The following TMEM232 variants were observed in gnomAD, a reference collection of about 807,000 sequenced individuals.
TMEM232 encodes the protein transmembrane protein 232.
A neutral mutation model predicts 78.8 loss-of-function variants in TMEM232; 80 were observed. The observed-to-expected ratio is 1.01, with a 90% confidence interval of 0.85 to 1.22. TMEM232 has a LOEUF of 1.22. Ranked by LOEUF, TMEM232 falls within the 50% of genes most tolerant of loss-of-function variation. The pLI, the probability that TMEM232 is intolerant of heterozygous loss-of-function variation, is 0.00. For synonymous variants in TMEM232, 297 were observed against 254.3 expected (o/e 1.17, Z -1.60); for missense variants, 881 against 742.2 (o/e 1.19, Z -2.17).
At chr5:110,690,519 G>A (rs1186833125) in intron 1 of TMEM232, among the ~76,000 whole-genome samples, 1 of 152,216 alleles carries the variant, frequency 6.6e-6, no homozygotes, top group Non-Finnish European at 1.5e-5. Context: ...CTTTTACACT[G>A]TTAGTGGGAG....
chr5:110,540,563 T>C (rs940359578), intron 11 of TMEM232, among the ~76,000 whole-genome samples: 2 of 152,186 alleles, frequency 1.3e-5, no homozygotes, highest in African/African-American at 4.8e-5. Flanking sequence ...TTAGCCAGCC[T>C]AATTTAAAAG....
chr5:110,391,920 A>G (rs1755210831), intron 3 of TMEM232, among the ~76,000 whole-genome samples: 1 of 152,184 alleles, frequency 6.6e-6, no homozygotes. Context: ...AGAAACATGC[A>G]GAGTCTGCAG....
intron 12 of TMEM232, among the ~76,000 whole-genome samples, chr5:110,435,696 G>A (rs1398212119): frequency 2.6e-5 from 4 of 151,956 alleles, no homozygotes; most frequent in Non-Finnish European, 5.9e-5. Context: ...ACAAATGAGT[G>A]AGAACATGTG....
Position 110,641,006 on chromosome 5 carries a change from G to T in TMEM232, c.238-10C>A. 6.7e-7 allele frequency: 1 copy of T among 1,490,664 alleles called. No homozygotes were observed. Among genetic ancestry groups the T allele is most frequent in the Non-Finnish European group, 9.0e-7 (1 of 1,117,022 alleles). The allele number at this position is 1,490,664 out of a possible 1,614,324, so 92.3% of individuals were successfully genotyped here. A position where few individuals can be genotyped will look rare whatever the true frequency, so the allele number is the denominator to read the frequency against. ...TGAGACCCAATTTTCTCTGTTATGA[G>T]GAAGCATGAAAAAGACAAATCAAAA... On this transcript the variant is annotated splice_polypyrimidine_tract_variant and intron_variant, in intron 3 of 13. Coordinates refer to ENST00000455884, the MANE Select transcript of TMEM232 (RefSeq NM_001039763.4).
At chr5:110,699,946 C>T (rs1232634390) in intron 1 of TMEM232, among the ~76,000 whole-genome samples, 1 of 152,174 alleles carries the variant, frequency 6.6e-6, no homozygotes, top group Admixed American at 6.6e-5. Flanking sequence ...CTAAGAAATT[C>T]AATCTAACCA....
chr5:110,678,427 A>G (rs1792308124), intron 1 of TMEM232, among the ~76,000 whole-genome samples: 1 of 152,094 alleles, frequency 6.6e-6, no homozygotes, highest in South Asian at 2.1e-4. Context: ...GAAATTTCCC[A>G]TATACCTCCA....
At chr5:110,580,167 T>C (rs549292727) in intron 10 of TMEM232, among the ~76,000 whole-genome samples, 2 of 151,818 alleles carry the variant, frequency 1.3e-5, no homozygotes, top group African/African-American at 4.8e-5. Context: ...AATACAGACA[T>C]TTGCCACATA....
At chr5:110,680,644 A>C (rs1357953244) in intron 1 of TMEM232, among the ~76,000 whole-genome samples, 1 of 152,126 alleles carries the variant, frequency 6.6e-6, no homozygotes. Flanking sequence ...TTCTCTAAAA[A>C]GAAGCTACAT....
In TMEM232 at chr5:110,420,666, A is replaced by G; in HGVS notation, c.1888T>C (p.Phe630Leu). Residue 630 changes from phenylalanine to leucine, a missense_variant, in exon 14 of 14, where the codon TTT becomes CTT. Physicochemically the swap from Phe to Leu is conservative, Grantham distance 22. Coordinates refer to ENST00000455884, the MANE Select transcript of TMEM232 (RefSeq NM_001039763.4). Reference sequence around the variant, plus strand: ...TCTCTTTTCTTCATAACTTCTTGAAAGTGATTTTTCTCTGCTAACTTTTTA... The same window carrying G: ...TCTCTTTTCTTCATAACTTCTTGAAGGTGATTTTTCTCTGCTAACTTTTTA... Reference protein sequence around the residue: ...KDKKLAEKNHFQEVMKKREEK... With the variant: ...KDKKLAEKNHLQEVMKKREEK... 6.5e-7 allele frequency: 1 copy of G among 1,527,068 alleles called. No individual in the cohort carries two copies. The highest frequency in any genetic ancestry group is 8.7e-7 in the Non-Finnish European group (1 of 1,144,046). 94.6% of individuals were successfully genotyped at this position (1,527,068 alleles called of 1,614,324 possible).
chr5:110,665,453 TG>T (rs1408651900), intron 2 of TMEM232, among the ~76,000 whole-genome samples: 1 of 151,954 alleles, frequency 6.6e-6, no homozygotes, highest in Non-Finnish European at 1.5e-5. Flanking sequence ...TCCGCATGGC[TG>T]GGGAGGCCAC....
chr5:110,503,614 C>G (rs1277367580), intron 12 of TMEM232, among the ~76,000 whole-genome samples: 2 of 152,080 alleles, frequency 1.3e-5, no homozygotes, highest in African/African-American at 4.8e-5. Context: ...CACTTTTCAT[C>G]CAGATGCTGC....
At chr5:110,727,676 T>C (rs893671617), upstream of TMEM232, among the ~76,000 whole-genome samples, 1 of 152,176 alleles carries the variant, frequency 6.6e-6, no homozygotes, top group Admixed American at 6.5e-5. Flanking sequence ...CTTTAAAAAT[T>C]AGAACTTTGA....
chr5:110,665,477 A>G (rs921261366), intron 2 of TMEM232, among the ~76,000 whole-genome samples: 2 of 152,096 alleles, frequency 1.3e-5, no homozygotes, highest in Non-Finnish European at 2.9e-5. Context: ...GAAATTTACA[A>G]TCATGGCAGA....
intron 1 of TMEM232, among the ~76,000 whole-genome samples, chr5:110,723,252 T>C (rs1797824292): frequency 6.6e-6 from 1 of 152,188 alleles, no homozygotes; most frequent in Non-Finnish European, 1.5e-5. Flanking sequence ...GGTTATTGTT[T>C]TTAATTGAAA....
chr5:110,527,060 C>G lies in TMEM232; in HGVS notation c.1703+1528G>C, dbSNP rs73222614. On this transcript the variant is annotated intron_variant, in intron 12 of 13. Coordinates refer to ENST00000455884, the MANE Select transcript of TMEM232 (RefSeq NM_001039763.4). ...ATTTTATAGACCCTGAAAGGATACA[C>G]AAGAAATTACTGATGTTATTACCGA... Among the ~76,000 whole-genome samples the G allele has an allele frequency of 2.4e-3, 371 of 151,750 alleles. 1 individual carries two copies. The highest frequency in any genetic ancestry group is 7.9e-3 in the African/African-American group (326 of 41,444).
intron 12 of TMEM232, among the ~76,000 whole-genome samples, chr5:110,490,864 G>T (rs1438148625): frequency 6.6e-5 from 10 of 151,986 alleles, no homozygotes; most frequent in Non-Finnish European, 1.2e-4. Context: ...TAAAACTATA[G>T]CTAAAACTAT....
At chr5:110,568,361 A>C (rs1581242188) in intron 11 of TMEM232, 86 bp downstream of exon 11, 10 of 1,209,574 alleles carry the variant, frequency 8.3e-6, no homozygotes, top group Non-Finnish European at 1.1e-5. Context: ...CACTGAATGT[A>C]GACATTCCTT....
chr5:110,472,196 A>C (rs1187526062), intron 12 of TMEM232, among the ~76,000 whole-genome samples: 1 of 151,970 alleles, frequency 6.6e-6, no homozygotes, highest in Non-Finnish European at 1.5e-5. Flanking sequence ...AATTCAGTAA[A>C]GTTTCAGGAT....
At chr5:110,727,807 C>T (rs561188859), upstream of TMEM232, among the ~76,000 whole-genome samples, 1 of 152,120 alleles carries the variant, frequency 6.6e-6, no homozygotes, top group Non-Finnish European at 1.5e-5. Flanking sequence ...CGTATCACTC[C>T]TAGAAGATCA....
Sources: gnomAD v4.1 joint callset for allele counts (sites outside exome capture counted in the v4.1 genomes callset) on GRCh38, gnomAD v4.1.1 for gene constraint, MANE v1.5 for transcripts, NCBI Gene and HGNC (gene_info 2026-07-23, HGNC 2026-07-21) for gene names.